Variants in FMN2 observed in about 807,000 individuals in gnomAD.
The protein encoded by FMN2 is formin 2, also known as formin-2.
In FMN2, 51 loss-of-function variants were observed where a neutral mutation model predicts 142.3. The ratio of observed to expected loss-of-function variants is 0.36; its 90% CI spans 0.29 to 0.45. The LOEUF is 0.45. Among genes scored for constraint, FMN2 ranks in the 20% least tolerant of loss-of-function variants. The probability of loss-of-function intolerance (pLI) is 1.00; values close to 1 mark genes in which losing one functional copy is unlikely to be tolerated. For synonymous variants in FMN2, 882 were observed against 869.8 expected (o/e 1.01, Z -0.25); for missense variants, 1,936 against 2,122.8 (o/e 0.91, Z 1.73).
chr1:240,419,341 A>G (rs566550398), intron 15 of FMN2, among the ~76,000 whole-genome samples: 1 of 152,174 alleles, frequency 6.6e-6, no homozygotes, highest in East Asian at 1.9e-4. Flanking sequence ...ATTGGTACAT[A>G]TCAGCTCTTT....
intron 15 of FMN2, among the ~76,000 whole-genome samples, chr1:240,428,298 C>A (rs1489869788): frequency 6.6e-6 from 1 of 151,440 alleles, no homozygotes; most frequent in African/African-American, 2.4e-5. Context: ...ATGGTAAGAT[C>A]ATGGCTTACT....
chr1:240,195,954 G>T (rs1665894422), intron 4 of FMN2, among the ~76,000 whole-genome samples: 1 of 152,200 alleles, frequency 6.6e-6, no homozygotes, highest in Admixed American at 6.5e-5. Flanking sequence ...GCTGCAGTGA[G>T]CTATGATTGT....
intron 14 of FMN2, 33 bp downstream of exon 14, chr1:240,355,941 C>A: frequency 2.8e-6 from 1 of 358,442 alleles, no homozygotes; most frequent in East Asian, 6.1e-5. Context: ...ATGTTTTTCT[C>A]CCCTTTCAGC....
intron 2 of FMN2, among the ~76,000 whole-genome samples, chr1:240,139,082 C>T (rs1290223567): frequency 6.6e-6 from 1 of 152,194 alleles, no homozygotes; most frequent in Non-Finnish European, 1.5e-5. Context: ...GCATTTCTAA[C>T]AACTTCCCAG....
At chr1:240,378,421 G>T (rs935949376) in intron 14 of FMN2, among the ~76,000 whole-genome samples, 1 of 152,196 alleles carries the variant, frequency 6.6e-6, no homozygotes, top group Non-Finnish European at 1.5e-5. Context: ...AAAGTACTGG[G>T]ATTACAGGTG....
At chr1:240,272,720 G>A (rs1412723164) in intron 7 of FMN2, among the ~76,000 whole-genome samples, 1 of 152,096 alleles carries the variant, frequency 6.6e-6, no homozygotes, top group Non-Finnish European at 1.5e-5. Context: ...TCAGTGTGCC[G>A]AGACATCAGC....
chr1:240,240,901 G>A (rs1667873050), intron 6 of FMN2, among the ~76,000 whole-genome samples: 1 of 152,132 alleles, frequency 6.6e-6, no homozygotes, highest in South Asian at 2.1e-4. Context: ...GCCAAAATTG[G>A]CTAGACTGGC....
chr1:240,123,265 A>G lies in FMN2; in HGVS notation c.1702A>G (p.Met568Val), dbSNP rs755275493. The G allele has an allele frequency of 8.1e-6, 13 of 1,614,022 alleles. No individual in the cohort carries two copies. The highest frequency in any genetic ancestry group is 1.6e-4 in the Middle Eastern group (1 of 6,084). Residue 568 changes from methionine (M) to valine (V), a missense_variant, in exon 2 of 18, where the codon ATG becomes GTG. Coordinates refer to ENST00000319653, the MANE Select transcript of FMN2 (RefSeq NM_020066.5). ...GAAGTTTTGCTCCCGGATCATTGCC[A>G]TGGGTCTTCTCCTTCCTTTTAGTGA... ...AEKFCSRIIAMGLLLPFSDCF... is the reference protein window; with the variant it reads ...AEKFCSRIIAVGLLLPFSDCF...
chr1:240,228,515 A>G (rs1247670367), intron 6 of FMN2, among the ~76,000 whole-genome samples: 1 of 152,000 alleles, frequency 6.6e-6, no homozygotes, highest in African/African-American at 2.4e-5. Flanking sequence ...GATGGCTATA[A>G]TCAAAGAGAA....
chr1:240,312,607 G>A (rs1221702711), intron 8 of FMN2, among the ~76,000 whole-genome samples: 1 of 152,156 alleles, frequency 6.6e-6, no homozygotes, highest in East Asian at 1.9e-4. Context: ...CCCTTGACAA[G>A]TTCTCTTAAA....
intron 15 of FMN2, among the ~76,000 whole-genome samples, chr1:240,416,564 G>A (rs564576405): frequency 2.0e-4 from 30 of 151,896 alleles, no homozygotes; most frequent in Non-Finnish European, 2.4e-4. Flanking sequence ...GCCACCATGC[G>A]CCCAGCCTCC....
intron 16 of FMN2, among the ~76,000 whole-genome samples, chr1:240,468,162 G>GGTA (rs1006726786): frequency 6.6e-6 from 1 of 150,686 alleles, no homozygotes; most frequent in Admixed American, 6.6e-5. Flanking sequence ...AAATGCCCTG[G>GGTA]GTAGTCCCCC....
intron 1 of FMN2, 106 bp downstream of exon 1, chr1:240,093,830 TGG>T (rs1661103056): frequency 1.4e-6 from 1 of 724,346 alleles, no homozygotes; most frequent in African/African-American, 1.8e-5. Flanking sequence ...GACCTGGTAG[TGG>T]CACATCTCTT....
chr1:240,313,224 G>A (rs989378841), intron 8 of FMN2, among the ~76,000 whole-genome samples: 3 of 152,172 alleles, frequency 2.0e-5, no homozygotes, highest in East Asian at 1.9e-4. Context: ...CTACCCATCC[G>A]ATGCTTCCTT....
rs189374241 is a variant in FMN2, at chr1:240,265,601, A to G, written c.4153+7569A>G. On this transcript the variant is annotated intron_variant, in intron 7 of 17. Coordinates refer to ENST00000319653, the MANE Select transcript of FMN2 (RefSeq NM_020066.5). ...CCAGCTTTCAGAATTATGAGAAAATATATTTCTGTTTAAGCACCCCAGTTT... is the reference window on the plus strand; with the variant it reads ...CCAGCTTTCAGAATTATGAGAAAATGTATTTCTGTTTAAGCACCCCAGTTT... Among the ~76,000 whole-genome samples, 179 of 152,286 alleles carry G rather than the reference A, an allele frequency of 1.2e-3. 2 individuals are homozygous for G. The highest frequency in any genetic ancestry group is 1.1e-3 in the Non-Finnish European group (78 of 68,016).
intron 2 of FMN2, among the ~76,000 whole-genome samples, chr1:240,156,122 A>G (rs1334534581): frequency 6.6e-6 from 1 of 152,192 alleles, no homozygotes; most frequent in East Asian, 1.9e-4. Context: ...ACAGTGGTGC[A>G]TACCTATAGT....
At chr1:240,254,906 G>A (rs1221596452) in intron 6 of FMN2, among the ~76,000 whole-genome samples, 1 of 152,122 alleles carries the variant, frequency 6.6e-6, no homozygotes, top group East Asian at 1.9e-4. Flanking sequence ...TCAAAACAGT[G>A]CCCTCCTGTA....
chr1:240,365,395 T>G (rs1275001990), intron 14 of FMN2, among the ~76,000 whole-genome samples: 5 of 152,152 alleles, frequency 3.3e-5, no homozygotes, highest in Admixed American at 2.0e-4. Flanking sequence ...GCCTTTTGCC[T>G]TTTCATTTCC....
At chr1:240,320,212 G>C (rs1670925589) in intron 8 of FMN2, among the ~76,000 whole-genome samples, 1 of 152,138 alleles carries the variant, frequency 6.6e-6, no homozygotes, top group East Asian at 1.9e-4. Flanking sequence ...AGTACTTGTA[G>C]ACTGAAACGA....
Sources: allele counts gnomAD v4.1 joint callset (sites outside exome capture counted in the v4.1 genomes callset), GRCh38; gene constraint gnomAD v4.1.1; transcripts MANE v1.5; gene names NCBI Gene and HGNC (gene_info 2026-07-23, HGNC 2026-07-21).